Variants in DEPDC4 observed in about 807,000 individuals in gnomAD.
DEPDC4 encodes the protein DEP domain containing 4, also known as DEP domain-containing protein 4.
A neutral mutation model predicts 52.0 loss-of-function variants in DEPDC4; 52 were observed. The observed-to-expected ratio is 1.00, with a 90% CI of 0.80 to 1.26. The LOEUF is 1.26. Ranked by LOEUF, DEPDC4 falls within the 50% of genes most tolerant of loss-of-function variation. The probability of loss-of-function intolerance (pLI) is 0.00; values close to 1 mark genes in which losing one functional copy is unlikely to be tolerated. For missense variants in DEPDC4, 530 were observed against 546.9 expected, an observed-to-expected ratio of 0.97 and a Z score of 0.31; for synonymous variants, 201 against 196.8, an observed-to-expected ratio of 1.02 and a Z score of -0.18.
chr12:100,231,960 A>G (rs764724072), intron 9 of DEPDC4, among the ~76,000 whole-genome samples: 5 of 152,098 alleles, frequency 3.3e-5, no homozygotes, highest in Non-Finnish European at 7.4e-5. Context: ...AAAAAAAAGA[A>G]TTATTAGGAA....
the DEPDC4 span, among the ~76,000 whole-genome samples, chr12:100,277,985 G>C: frequency 6.6e-6 from 1 of 151,974 alleles, no homozygotes; most frequent in Non-Finnish European, 1.5e-5. Context: ...CAAATATAAT[G>C]TAAGGATCTT....
At chr12:100,273,729 C>A in the DEPDC4 span, among the ~76,000 whole-genome samples, 3 of 152,200 alleles carry the variant, frequency 2.0e-5, no homozygotes, top group Non-Finnish European at 4.4e-5. Flanking sequence ...TTCTGGAATA[C>A]TCCTTCCCCC....
intron 1 of DEPDC4, among the ~76,000 whole-genome samples, chr12:100,266,431 AC>A (rs1394799394): frequency 6.6e-6 from 1 of 152,148 alleles, no homozygotes; most frequent in Admixed American, 6.5e-5. Flanking sequence ...GGTGGAAAAT[AC>A]AGCGGTACAG....
chr12:100,259,335 A>C (rs7304014), intron 3 of DEPDC4, among the ~76,000 whole-genome samples: 4,353 of 152,248 alleles, frequency 0.029, 148 homozygotes, highest in African/African-American at 0.085. Flanking sequence ...AGAAGATGAA[A>C]TTGATAAAAA....
intron 3 of DEPDC4, among the ~76,000 whole-genome samples, chr12:100,258,234 T>G (rs1191828659): frequency 2.0e-5 from 3 of 152,152 alleles, no homozygotes; most frequent in Non-Finnish European, 4.4e-5. Flanking sequence ...AAAAGTGTTT[T>G]TAGGTATCAA....
chr12:100,263,526 AT>A lies in DEPDC4; in HGVS notation c.524del (p.Asp175ValfsTer10), dbSNP rs1166907813. On this transcript the variant is annotated frameshift_variant, in exon 2 of 10. Transcript: ENST00000550587. LOFTEE classifies it high-confidence loss of function. ...SSYDCCKRQKDAENEFNETLR... is the reference protein window; with the variant it reads ...SSYDCCKRQKXAENEFNETLR... Reference sequence around the variant, plus strand: ...AGGTTTCATTGAACTCATTCTCAGCATCCTTTTGTCTTTTGCAACAATCGTA... The same window carrying A: ...AGGTTTCATTGAACTCATTCTCAGCACCTTTTGTCTTTTGCAACAATCGTA... 6.3e-7 allele frequency: 1 copy of A among 1,599,144 alleles called. No homozygotes were observed. The highest frequency in any genetic ancestry group is 2.2e-5 in the East Asian group (1 of 44,766).
chr12:100,252,115 C>A (rs545413036), intron 7 of DEPDC4, 61 bp downstream of exon 7: 2 of 1,107,204 alleles, frequency 1.8e-6, no homozygotes, highest in Admixed American at 1.0e-4. Flanking sequence ...GAATGATTTG[C>A]TTTTCTGCTT....
chr12:100,259,691 C>T lies in DEPDC4; in HGVS notation c.700+2573G>A, dbSNP rs191208582. On this transcript the variant is annotated intron_variant, in intron 3 of 9. Coordinates refer to ENST00000550587, the MANE Select transcript of DEPDC4 (RefSeq NM_001364818.2). ...GGAAAGAGACACAAATCCCCATTTT[C>T]CCTTTTAGAAAATTAATGGATGTGC... 2.2e-3 allele frequency among the ~76,000 whole-genome samples: 327 copies of T among 152,006 alleles called. 1 individual carries two copies. Among genetic ancestry groups the T allele is most frequent in the Non-Finnish European group, 3.9e-3 (263 of 67,966 alleles).
intron 8 of DEPDC4, among the ~76,000 whole-genome samples, chr12:100,246,343 C>T (rs957076285): frequency 6.6e-6 from 1 of 152,124 alleles, no homozygotes; most frequent in African/African-American, 2.4e-5. Flanking sequence ...CTGGCTTGAA[C>T]ATATCCCTGT....
At position 100,241,484 on chromosome 12, in the gene DEPDC4, G is replaced by C. The variant is rs1410231451; in HGVS notation, c.*408C>G. 6.6e-6 allele frequency among the ~76,000 whole-genome samples: 1 copy of C among 152,092 alleles called. No individual in the cohort carries two copies. ...AGGCCAAGGCAGGAGGATGACTTGA[G>C]GCCAGGAGTTCGAGACCAGCCTGGG... On this transcript the variant is annotated 3_prime_UTR_variant, in exon 10 of 10. Coordinates refer to ENST00000550587, the MANE Select transcript of DEPDC4 (RefSeq NM_001364818.2).
At chr12:100,269,408 A>T (rs2096284723), upstream of DEPDC4, among the ~76,000 whole-genome samples, 1 of 152,018 alleles carries the variant, frequency 6.6e-6, no homozygotes, top group African/African-American at 2.4e-5. Flanking sequence ...TCTCCTGATT[A>T]TATGTTCTTA....
At chr12:100,266,063 T>TTTAATTAAAATTAAATTTAATTAAAA (rs1175866674) in intron 1 of DEPDC4, among the ~76,000 whole-genome samples, 45 of 152,156 alleles carry the variant, frequency 3.0e-4, no homozygotes, top group Admixed American at 1.4e-3. Flanking sequence ...CCAGTAAAAT[T>TTTAATTAAAATTAAATTTAATTAAAA]TTAATTAAAA....
chr12:100,244,328 C>G (rs1480949247), intron 8 of DEPDC4, among the ~76,000 whole-genome samples: 1 of 150,344 alleles, frequency 6.7e-6, no homozygotes, highest in Non-Finnish European at 1.5e-5. Flanking sequence ...CTACAGGCAC[C>G]CGCCACCAGG....
At chr12:100,244,527 T>G (rs1293245907) in intron 8 of DEPDC4, among the ~76,000 whole-genome samples, 1 of 151,884 alleles carries the variant, frequency 6.6e-6, no homozygotes, top group East Asian at 1.9e-4. Flanking sequence ...CCAGCTGTAG[T>G]GCAGTGGCGT....
At chr12:100,242,422 C>T (rs1293223095) in intron 9 of DEPDC4, 64 bp downstream of exon 9, 6 of 148,776 alleles carry the variant, frequency 4.0e-5, no homozygotes, top group Non-Finnish European at 7.4e-5. Context: ...CGCTCCTATA[C>T]TCAACTCTCT....
chr12:100,258,809 G>A (rs1566323148), intron 3 of DEPDC4, among the ~76,000 whole-genome samples: 1 of 151,972 alleles, frequency 6.6e-6, no homozygotes, highest in Non-Finnish European at 1.5e-5. Flanking sequence ...GGTGGTTCAC[G>A]TCTGTAATCT....
the DEPDC4 span, among the ~76,000 whole-genome samples, chr12:100,276,777 A>G: frequency 6.6e-6 from 1 of 151,300 alleles, no homozygotes; most frequent in African/African-American, 2.4e-5. Context: ...AGTCTCTTTC[A>G]TTGATTCCTC....
chr12:100,277,639 C>A, the DEPDC4 span, among the ~76,000 whole-genome samples: 10 of 152,140 alleles, frequency 6.6e-5, no homozygotes, highest in South Asian at 1.5e-3. Flanking sequence ...TTAGGTCTTG[C>A]TTTTTTATCC....
the DEPDC4 span, among the ~76,000 whole-genome samples, chr12:100,275,476 A>G: frequency 1.3e-5 from 2 of 152,204 alleles, no homozygotes; most frequent in Non-Finnish European, 2.9e-5. Flanking sequence ...GATTACAGGC[A>G]TGAATTACTA....
Sources: gnomAD v4.1 joint callset for allele counts (sites outside exome capture counted in the v4.1 genomes callset) on GRCh38, gnomAD v4.1.1 for gene constraint, MANE v1.5 for transcripts, NCBI Gene and HGNC (gene_info 2026-07-23, HGNC 2026-07-21) for gene names.